Variants in LRP1B observed in about 807,000 individuals in gnomAD.
The protein encoded by LRP1B is LDL receptor related protein 1B.
In LRP1B, 217 loss-of-function variants were observed where a neutral mutation model predicts 556.6. That is an observed-to-expected ratio of 0.39 (90% confidence interval 0.35 to 0.44). The LOEUF is 0.44. LRP1B is among the 20% of genes least tolerant of loss of function. The probability of loss-of-function intolerance (pLI) is 1.00; values close to 1 mark genes in which losing one functional copy is unlikely to be tolerated. For missense variants in LRP1B, 5,053 were observed against 5,620.8 expected (o/e 0.90, Z 3.23); for synonymous variants, 2,047 against 1,865.8 (o/e 1.10, Z -2.50).
chr2:141,856,161 A>G (rs1466697927), intron 1 of LRP1B, among the ~76,000 whole-genome samples: 1 of 152,164 alleles, frequency 6.6e-6, no homozygotes, highest in Non-Finnish European at 1.5e-5. Context: ...CTTGAATTGC[A>G]TTTTGTGTGT....
intron 2 of LRP1B, among the ~76,000 whole-genome samples, chr2:141,522,707 G>A (rs1684568077): frequency 1.3e-5 from 2 of 152,154 alleles, no homozygotes; most frequent in Non-Finnish European, 1.5e-5. Context: ...GGCCATGTGT[G>A]GGTGGCTTAA....
intron 79 of LRP1B, among the ~76,000 whole-genome samples, chr2:140,330,027 C>G (rs890198042): frequency 6.6e-6 from 1 of 151,588 alleles, no homozygotes; most frequent in Non-Finnish European, 1.5e-5. Context: ...TGGTGAAACC[C>G]TGTCTCTGCT....
intron 43 of LRP1B, among the ~76,000 whole-genome samples, chr2:140,569,484 T>C (rs1681244896): frequency 6.6e-6 from 1 of 151,998 alleles, no homozygotes; most frequent in South Asian, 2.1e-4. Flanking sequence ...CATTATGTAA[T>C]GGCAAAGAGG....
chr2:140,684,983 T>C (rs896298110), intron 41 of LRP1B, among the ~76,000 whole-genome samples: 1 of 152,190 alleles, frequency 6.6e-6, no homozygotes, highest in Non-Finnish European at 1.5e-5. Context: ...GCATATTCTA[T>C]TGTTAAAGCA....
In LRP1B at chr2:140,752,036, G is replaced by C. The variant is rs192707599; in HGVS notation, c.5758+17177C>G. ...TTAAGAACACTTAGCCACTAAATAGGCTGGGCGCAATGGCTCACACCTGTA... is the reference window on the plus strand; with the variant it reads ...TTAAGAACACTTAGCCACTAAATAGCCTGGGCGCAATGGCTCACACCTGTA... On this transcript the variant is annotated intron_variant, in intron 35 of 90. Transcript: ENST00000389484. Among the ~76,000 whole-genome samples the C allele has an allele frequency of 1.3e-4, 20 of 152,096 alleles. No individual in the cohort carries two copies. In the East Asian group the frequency reaches 2.7e-3, roughly 21 times the overall value.
At chr2:141,024,724 A>T (rs893609822) in intron 11 of LRP1B, among the ~76,000 whole-genome samples, 1 of 152,036 alleles carries the variant, frequency 6.6e-6, no homozygotes, top group Non-Finnish European at 1.5e-5. Context: ...TGTGGATCAG[A>T]TATAAAAGAT....
intron 27 of LRP1B, 136 bp from the exon 28 acceptor site, chr2:140,851,919 A>G (rs1692471186): frequency 1.7e-6 from 1 of 599,222 alleles, no homozygotes; most frequent in African/African-American, 1.9e-5. Context: ...GGTGATTAAT[A>G]TGACAATAAT....
chr2:140,887,385 G>A (rs1693667369), intron 23 of LRP1B, among the ~76,000 whole-genome samples: 1 of 152,148 alleles, frequency 6.6e-6, no homozygotes, highest in Non-Finnish European at 1.5e-5. Flanking sequence ...CATATGGTAT[G>A]AGATAGGTTC....
chr2:141,448,703 C>T (rs569041374), intron 3 of LRP1B, among the ~76,000 whole-genome samples: 4 of 152,274 alleles, frequency 2.6e-5, no homozygotes, highest in Non-Finnish European at 4.4e-5. Context: ...CACCCTGCTT[C>T]GGCTCGCCCT....
chr2:141,622,799 C>G (rs546558743), intron 2 of LRP1B, among the ~76,000 whole-genome samples: 1 of 152,282 alleles, frequency 6.6e-6, no homozygotes, highest in African/African-American at 2.4e-5. Flanking sequence ...TGTCCTGCTG[C>G]TCATTCCAAA....
chr2:140,916,276 A>G (rs1029079235), intron 21 of LRP1B, among the ~76,000 whole-genome samples: 1 of 152,180 alleles, frequency 6.6e-6, no homozygotes, highest in Non-Finnish European at 1.5e-5. Flanking sequence ...TCACTGTACC[A>G]TTATAGGATA....
intron 29 of LRP1B, among the ~76,000 whole-genome samples, chr2:140,849,382 CAA>C (rs1251870152): frequency 1.6e-5 from 1 of 60,852 alleles, no homozygotes; most frequent in Non-Finnish European, 3.6e-5. Flanking sequence ...AAAAAAAAAA[CAA>C]AAAACAAAAA....
intron 58 of LRP1B, among the ~76,000 whole-genome samples, chr2:140,486,062 G>A (rs2105364372): frequency 6.6e-6 from 1 of 151,938 alleles, no homozygotes; most frequent in African/African-American, 2.4e-5. Flanking sequence ...TTCAGCTGCT[G>A]TTATCAATTT....
intron 2 of LRP1B, among the ~76,000 whole-genome samples, chr2:141,677,108 A>G (rs538632336): frequency 7.2e-4 from 109 of 152,312 alleles, no homozygotes; most frequent in African/African-American, 2.5e-3. Flanking sequence ...CGGCTGGAAG[A>G]GAAAGAAATA....
chr2:141,372,691 T>A (rs985968726), intron 3 of LRP1B, among the ~76,000 whole-genome samples: 6 of 152,146 alleles, frequency 3.9e-5, no homozygotes, highest in Non-Finnish European at 7.4e-5. Flanking sequence ...CAGTCTCTCA[T>A]GATATTTTTA....
chr2:141,414,194 G>A (rs1418466727), intron 3 of LRP1B, among the ~76,000 whole-genome samples: 19 of 141,994 alleles, frequency 1.3e-4, no homozygotes, highest in African/African-American at 2.4e-4. Context: ...CGGAGATAGC[G>A]CCACTGCACT....
At chr2:140,589,738 C>A (rs1355664064) in intron 43 of LRP1B, among the ~76,000 whole-genome samples, 1 of 152,080 alleles carries the variant, frequency 6.6e-6, no homozygotes, top group African/African-American at 2.4e-5. Flanking sequence ...CTTAAAGTTT[C>A]TTTATAAAGA....
intron 8 of LRP1B, among the ~76,000 whole-genome samples, chr2:141,061,432 C>T (rs575849808): frequency 4.6e-5 from 7 of 151,782 alleles, no homozygotes; most frequent in African/African-American, 1.7e-4. Flanking sequence ...GTAAATAAGG[C>T]TGATTTCTAC....
At chr2:141,718,876 A>G (rs1288739433) in intron 2 of LRP1B, among the ~76,000 whole-genome samples, 2 of 152,220 alleles carry the variant, frequency 1.3e-5, no homozygotes, top group Non-Finnish European at 2.9e-5. Context: ...TAAAAGCAAA[A>G]ACCAAAAACC....
Sources: allele counts gnomAD v4.1 joint callset (sites outside exome capture counted in the v4.1 genomes callset), GRCh38; gene constraint gnomAD v4.1.1; transcripts MANE v1.5; gene names NCBI Gene and HGNC (gene_info 2026-07-23, HGNC 2026-07-21).